The following GALNT13 variants were observed in gnomAD, a reference collection of about 807,000 sequenced individuals.
The protein encoded by GALNT13 is polypeptide N-acetylgalactosaminyltransferase 13.
Under a neutral mutation model 64.2 loss-of-function variants are expected in GALNT13, and 28 were observed. That is an observed-to-expected ratio of 0.44 (90% CI 0.32 to 0.60). GALNT13 has a LOEUF of 0.60. Ranked by LOEUF, GALNT13 falls within the 20% of genes least tolerant of loss-of-function variation. GALNT13 has a pLI of 0.05. For missense variants in GALNT13, 577 were observed against 669.8 expected, an observed-to-expected ratio of 0.86 and a Z score of 1.53; for synonymous variants, 214 against 224.6, an observed-to-expected ratio of 0.95 and a Z score of 0.42.
the GALNT13 span, among the ~76,000 whole-genome samples, chr2:153,409,161 G>C: frequency 6.6e-6 from 1 of 151,874 alleles, no homozygotes; most frequent in Non-Finnish European, 1.5e-5. Context: ...TTGAGGTGTT[G>C]GGACTCGGAC....
chr2:153,345,962 ATTTG>A, the GALNT13 span, among the ~76,000 whole-genome samples: 4 of 151,048 alleles, frequency 2.6e-5, no homozygotes, highest in African/African-American at 7.3e-5. Flanking sequence ...AGCCCAGCTA[ATTTG>A]TTTGTTTGTT....
At chr2:154,187,439 C>T (rs1222949624) in intron 4 of GALNT13, among the ~76,000 whole-genome samples, 1 of 151,108 alleles carries the variant, frequency 6.6e-6, no homozygotes, top group Non-Finnish European at 1.5e-5. Flanking sequence ...TTGGAAACCT[C>T]AGGTGGAATC....
At chr2:153,768,797 C>T in the GALNT13 span, among the ~76,000 whole-genome samples, 15 of 152,178 alleles carry the variant, frequency 9.9e-5, no homozygotes, top group East Asian at 1.9e-3. Flanking sequence ...ACCCAGGAGG[C>T]GGAGCTTACA....
the GALNT13 span, among the ~76,000 whole-genome samples, chr2:153,284,660 A>C: frequency 1.3e-5 from 2 of 152,110 alleles, no homozygotes; most frequent in Non-Finnish European, 2.9e-5. Flanking sequence ...TCACAGAAGG[A>C]GACTCTCTGC....
chr2:153,123,898 G>C, the GALNT13 span, among the ~76,000 whole-genome samples: 1 of 152,104 alleles, frequency 6.6e-6, no homozygotes, highest in Non-Finnish European at 1.5e-5. Flanking sequence ...CTCTTCCCTA[G>C]ATTGTGGGCT....
intron 8 of GALNT13, chr2:154,286,937 ACT>A: frequency 1.9e-6 from 1 of 526,814 alleles, no homozygotes; most frequent in Non-Finnish European, 3.5e-6. Flanking sequence ...GACTACAATG[ACT>A]CTGTGCTGCC....
At chr2:153,268,481 C>A in the GALNT13 span, among the ~76,000 whole-genome samples, 1 of 152,184 alleles carries the variant, frequency 6.6e-6, no homozygotes, top group African/African-American at 2.4e-5. Flanking sequence ...TCATGTGGGG[C>A]TGGCATTGAG....
At chr2:153,174,869 A>G in the GALNT13 span, among the ~76,000 whole-genome samples, 20,061 of 152,062 alleles carry the variant, frequency 0.13, 1,553 homozygotes, top group Non-Finnish European at 0.17. Flanking sequence ...AAGCACCTCA[A>G]AATTCTTCCA....
chr2:153,742,104 A>G, the GALNT13 span, among the ~76,000 whole-genome samples: 30 of 152,106 alleles, frequency 2.0e-4, no homozygotes, highest in Admixed American at 2.0e-3. Flanking sequence ...GATGCTTTGT[A>G]CCTTTGAACC....
At chr2:154,045,460 C>A (rs899679550) in intron 3 of GALNT13, among the ~76,000 whole-genome samples, 1 of 152,164 alleles carries the variant, frequency 6.6e-6, no homozygotes, top group Non-Finnish European at 1.5e-5. Context: ...CCAGGTCTTA[C>A]CTTGTTTCCA....
the GALNT13 span, among the ~76,000 whole-genome samples, chr2:153,652,236 C>G: frequency 6.6e-6 from 1 of 152,004 alleles, no homozygotes; most frequent in Non-Finnish European, 1.5e-5. Context: ...TTAGTTCATT[C>G]AGATAATATT....
At chr2:153,585,617 G>A in the GALNT13 span, among the ~76,000 whole-genome samples, 22,988 of 152,036 alleles carry the variant, frequency 0.15, 1,859 homozygotes, top group African/African-American at 0.19. Flanking sequence ...CGAGTTTGCC[G>A]CAGTATATCA....
At chr2:153,405,272 G>A in the GALNT13 span, among the ~76,000 whole-genome samples, 2 of 152,212 alleles carry the variant, frequency 1.3e-5, no homozygotes, top group African/African-American at 2.4e-5. Context: ...CAAAGCCTAA[G>A]GTTTGGAAAG....
chr2:153,481,117 C>A, the GALNT13 span, among the ~76,000 whole-genome samples: 2 of 152,072 alleles, frequency 1.3e-5, no homozygotes, highest in Non-Finnish European at 2.9e-5. Flanking sequence ...GGTATTTCCC[C>A]CATCAGCTAG....
chr2:153,309,170 C>G, the GALNT13 span, among the ~76,000 whole-genome samples: 1 of 152,052 alleles, frequency 6.6e-6, no homozygotes, highest in South Asian at 2.1e-4. Context: ...TGTACAAACT[C>G]AAAATATAAC....
intron 2 of GALNT13, among the ~76,000 whole-genome samples, chr2:153,935,291 T>C (rs966693915): frequency 1.3e-5 from 2 of 152,218 alleles, no homozygotes; most frequent in East Asian, 1.9e-4. Context: ...TTGCAATAGA[T>C]GATTTAATAG....
At chr2:153,548,275 C>T in the GALNT13 span, among the ~76,000 whole-genome samples, 16 of 152,050 alleles carry the variant, frequency 1.1e-4, no homozygotes, top group African/African-American at 2.4e-4. Flanking sequence ...TGATCTGCTC[C>T]GTGGATCATA....
intron 1 of GALNT13, among the ~76,000 whole-genome samples, chr2:153,896,125 A>C (rs1366620283): frequency 9.3e-6 from 1 of 107,878 alleles, no homozygotes; most frequent in African/African-American, 3.1e-5. Flanking sequence ...GCCACTTTCG[A>C]TTTAGAAAAC....
the GALNT13 span, among the ~76,000 whole-genome samples, chr2:153,373,404 TA>T: frequency 6.6e-6 from 1 of 152,190 alleles, no homozygotes; most frequent in Non-Finnish European, 1.5e-5. Flanking sequence ...GCTGAGCTTT[TA>T]TTTTTTATCA....
Sources: gnomAD v4.1 joint callset for allele counts (sites outside exome capture counted in the v4.1 genomes callset) on GRCh38, gnomAD v4.1.1 for gene constraint, MANE v1.5 for transcripts, NCBI Gene and HGNC (gene_info 2026-07-23, HGNC 2026-07-21) for gene names.